The following IQGAP1 variants were observed in gnomAD, a reference collection of about 807,000 sequenced individuals.
IQGAP1 encodes the protein ras GTPase-activating-like protein IQGAP1.
In IQGAP1, 66 loss-of-function variants were observed where a neutral mutation model predicts 215.6. The ratio of observed to expected loss-of-function variants is 0.31; its 90% CI spans 0.25 to 0.38. IQGAP1 has a LOEUF of 0.38. Ranked by LOEUF, IQGAP1 falls within the 10% of genes least tolerant of loss-of-function variation. The pLI, the probability that IQGAP1 is intolerant of heterozygous loss-of-function variation, is 1.00. For synonymous variants in IQGAP1, 772 were observed against 728.7 expected, an observed-to-expected ratio of 1.06 and a Z score of -0.96; for missense variants, 1,712 against 1,997.1, an observed-to-expected ratio of 0.86 and a Z score of 2.72.
intron 25 of IQGAP1, 122 bp from the exon 26 acceptor site, chr15:90,477,543 T>C: frequency 1.3e-6 from 1 of 743,020 alleles, no homozygotes; most frequent in Admixed American, 2.4e-5. Flanking sequence ...AGGAACATTC[T>C]GTGAGTGCTG....
At chr15:90,489,880 A>G (rs1966179312) in intron 33 of IQGAP1, among the ~76,000 whole-genome samples, 1 of 152,178 alleles carries the variant, frequency 6.6e-6, no homozygotes, top group Admixed American at 6.5e-5. Flanking sequence ...TAATCCTTAC[A>G]ATATTCCCAT....
At chr15:90,441,462 A>ATAT (rs1360475026) in intron 7 of IQGAP1, 44 bp from the exon 8 acceptor site, 1 of 1,522,418 alleles carries the variant, frequency 6.6e-7, no homozygotes, top group Non-Finnish European at 9.0e-7. Flanking sequence ...AATCTATATA[A>ATAT]TCTCAGTGTT....
intron 35 of IQGAP1, among the ~76,000 whole-genome samples, chr15:90,493,237 T>TG (rs1351485620): frequency 2.4e-5 from 3 of 124,970 alleles, no homozygotes; most frequent in African/African-American, 1.1e-4. Context: ...AACAAGACTC[T>TG]GGAAAAAAAA....
chr15:90,439,220 G>C, intron 5 of IQGAP1, 112 bp from the exon 6 acceptor site: 1 of 638,484 alleles, frequency 1.6e-6, no homozygotes, highest in South Asian at 2.0e-5. Flanking sequence ...GGTACTGGGA[G>C]TCTCAGTGTT....
At chr15:90,465,651 C>T (rs999764270) in intron 15 of IQGAP1, among the ~76,000 whole-genome samples, 3 of 150,578 alleles carry the variant, frequency 2.0e-5, no homozygotes, top group African/African-American at 7.4e-5. Context: ...TAGGCGTGCA[C>T]CACCATGCCT....
In IQGAP1 at chr15:90,473,980, G is replaced by C. The variant is rs368251426; in HGVS notation, c.2505+13G>C. ...CTTCCGGGACCATGTAAGCACCCTTGGATCATACAGGCCATTAGGGGCAAT... is the reference window on the plus strand; with the variant it reads ...CTTCCGGGACCATGTAAGCACCCTTCGATCATACAGGCCATTAGGGGCAAT... On this transcript the variant is annotated intron_variant, in intron 21 of 37. Transcript: ENST00000268182. 4 of 1,613,552 alleles carry C rather than the reference G, an allele frequency of 2.5e-6. No homozygotes were observed. Among genetic ancestry groups the C allele is most frequent in the South Asian group, 1.1e-5 (1 of 91,084 alleles).
chr15:90,487,403 T>C, intron 32 of IQGAP1, 92 bp from the exon 33 acceptor site: 3 of 893,972 alleles, frequency 3.4e-6, no homozygotes, highest in South Asian at 2.9e-5. Flanking sequence ...TGTGAGGTAC[T>C]GTTTGTGCTG....
rs140946408 is a variant in IQGAP1 at position 90,448,718 on chromosome 15, T to G, written c.1059T>G (p.Asp353Glu). ...SDWYLKQLLSDKQQKRQSGQT... is the reference protein window; with the variant it reads ...SDWYLKQLLSEKQQKRQSGQT... ...GGTACTTGAAGCAGCTCCTGAGTGA[T>G]AAACAGCAGAAGAGACAGGTAAACA... The change falls in exon 10 of 38, where the codon GAT becomes GAG. Residue 353 changes from aspartate to glutamate, a missense_variant. Transcript: ENST00000268182. The G allele has an allele frequency of 9.0e-5, 144 of 1,598,702 alleles. No individual in the cohort carries two copies. The highest frequency in any genetic ancestry group is 1.2e-4 in the Non-Finnish European group (138 of 1,173,686).
At chr15:90,460,753 C>T (rs1238834126) in intron 15 of IQGAP1, among the ~76,000 whole-genome samples, 1 of 152,042 alleles carries the variant, frequency 6.6e-6, no homozygotes, top group African/African-American at 2.4e-5. Context: ...AATCCCAGCA[C>T]GTTGGGATGC....
rs772332103 is a variant in IQGAP1, at chr15:90,453,114, C to G, written c.1327-18C>G. ...ATGTCTTTCCTCACTGTTTTCCCTT[C>G]TGTCCCTTTCTGTACAGCATAATCT... is the stretch of plus-strand genomic sequence containing the variant. On this transcript the variant is annotated intron_variant, in intron 12 of 37. Coordinates refer to ENST00000268182, the MANE Select transcript of IQGAP1 (RefSeq NM_003870.4). The G allele has an allele frequency of 6.3e-7, 1 of 1,593,326 alleles. No homozygotes were observed. Among genetic ancestry groups the G allele is most frequent in the East Asian group, 2.2e-5 (1 of 44,712 alleles).
intron 2 of IQGAP1, among the ~76,000 whole-genome samples, chr15:90,414,752 G>C (rs1448154837): frequency 6.6e-6 from 1 of 151,934 alleles, no homozygotes; most frequent in Non-Finnish European, 1.5e-5. Flanking sequence ...CCAGATTTAG[G>C]TCTTCAGCAA....
rs575241992 is a variant in IQGAP1, at chr15:90,445,154, A to T, written c.913+1676A>T. ...TAATTAATTAATTTTTTTTTTTTAA[A>T]AAAGAATCTGGCTCTGAAGTGGTAC... On this transcript the variant is annotated intron_variant, in intron 9 of 37. Transcript: ENST00000268182. 2.0e-3 allele frequency among the ~76,000 whole-genome samples: 305 copies of T among 151,882 alleles called. 1 individual carries two copies. Among genetic ancestry groups the T allele is most frequent in the African/African-American group, 7.1e-3 (296 of 41,432 alleles).
At chr15:90,471,837 G>GAAAA (rs374705456) in intron 18 of IQGAP1, among the ~76,000 whole-genome samples, 1 of 145,112 alleles carries the variant, frequency 6.9e-6, no homozygotes, top group Non-Finnish European at 1.5e-5. Context: ...GTGTTGCCCA[G>GAAAA]AAAAAAAAAA....
rs538510028 is a variant in IQGAP1, at chr15:90,500,819, C to T, written c.*711C>T. ...GGAGAGTCCCATTGCTAAAATTCAG[C>T]TACTCAGATAAATTCAGAATGGGTC... On this transcript the variant is annotated 3_prime_UTR_variant, in exon 38 of 38. Coordinates refer to ENST00000268182, the MANE Select transcript of IQGAP1 (RefSeq NM_003870.4). 6.5e-6 allele frequency: 1 copy of T among 152,688 alleles called. No individual in the cohort carries two copies. The highest frequency in any genetic ancestry group is 2.1e-4 in the South Asian group (1 of 4,822). The allele number at this position is 152,688 out of a possible 1,614,324, so 9.5% of individuals were successfully genotyped here.
chr15:90,481,269 C>CTTTTTTTTTTTT (rs57452745), intron 26 of IQGAP1, among the ~76,000 whole-genome samples: 9 of 113,180 alleles, frequency 8.0e-5, no homozygotes, highest in African/African-American at 3.0e-4. Context: ...CTCTCTGCCT[C>CTTTTTTTTTTTT]TTTTTTTTTT....
intron 26 of IQGAP1, among the ~76,000 whole-genome samples, chr15:90,480,208 G>C (rs1966037530): frequency 7.4e-6 from 1 of 134,378 alleles, no homozygotes; most frequent in Non-Finnish European, 1.5e-5. Flanking sequence ...GGGCAATGTA[G>C]ACCCCATATC....
chr15:90,487,836 C>T (rs1966148485), intron 33 of IQGAP1, among the ~76,000 whole-genome samples: 1 of 152,142 alleles, frequency 6.6e-6, no homozygotes, highest in Non-Finnish European at 1.5e-5. Context: ...ATATCCATCC[C>T]TTGGTATCCA....
At chr15:90,402,901 CAT>C (rs1485887969) in intron 2 of IQGAP1, among the ~76,000 whole-genome samples, 17 of 152,182 alleles carry the variant, frequency 1.1e-4, no homozygotes, top group Admixed American at 9.8e-4. Context: ...CTGTAAGTAA[CAT>C]ACATCTCAGA....
intron 18 of IQGAP1, among the ~76,000 whole-genome samples, chr15:90,468,542 A>T (rs1166751386): frequency 6.6e-6 from 1 of 152,156 alleles, no homozygotes; most frequent in Admixed American, 6.5e-5. Flanking sequence ...TAAAAGAAAA[A>T]AATTCAGGCT....
Sources: gnomAD v4.1 joint callset for allele counts (sites outside exome capture counted in the v4.1 genomes callset) on GRCh38, gnomAD v4.1.1 for gene constraint, MANE v1.5 for transcripts, NCBI Gene and HGNC (gene_info 2026-07-23, HGNC 2026-07-21) for gene names.